OTUD5: variants seen among roughly 807,000 people sequenced by gnomAD.
OTUD5 encodes the protein OTU deubiquitinase 5.
In OTUD5, 2 loss-of-function variants were observed where a neutral mutation model predicts 36.3. That is an observed-to-expected ratio of 0.06 (90% CI 0.02 to 0.17). OTUD5 has a LOEUF of 0.17. Among genes scored for constraint, OTUD5 ranks in the 10% least tolerant of loss-of-function variants. The probability of loss-of-function intolerance (pLI) is 1.00; values close to 1 mark genes in which losing one functional copy is unlikely to be tolerated. For synonymous variants in OTUD5, 234 were observed against 214.9 expected (o/e 1.09, Z -0.78); for missense variants, 233 against 512.3 (o/e 0.45, Z 5.26).
intron 1 of OTUD5, among the ~76,000 whole-genome samples, chrX:48,944,851 C>T (rs1385086369): frequency 9.0e-6 from 1 of 111,072 alleles, no homozygotes; most frequent in Non-Finnish European, 1.9e-5. Context: ...GGAGAAACCC[C>T]GTCTCTAATA....
chrX:48,951,276 C>A (rs1001503356), intron 1 of OTUD5, among the ~76,000 whole-genome samples: 2 of 111,897 alleles, frequency 1.8e-5, no homozygotes, highest in Non-Finnish European at 3.8e-5. Flanking sequence ...GCCAAGACCA[C>A]CCCCTCCAGC....
intron 5 of OTUD5, among the ~76,000 whole-genome samples, chrX:48,928,557 T>C (rs2063700945): frequency 9.0e-6 from 1 of 111,438 alleles, no homozygotes; most frequent in Admixed American, 9.6e-5. Context: ...TGGCTGCAGG[T>C]GGCTCACCCC....
chrX:48,955,067 C>T (rs1410334656), intron 1 of OTUD5, among the ~76,000 whole-genome samples: 1 of 111,668 alleles, frequency 9.0e-6, no homozygotes, highest in Non-Finnish European at 1.9e-5. Flanking sequence ...GGAGCCAGGC[C>T]CCCAGTCCCT....
intron 1 of OTUD5, among the ~76,000 whole-genome samples, chrX:48,945,266 CT>C (rs139382090): frequency 7.9e-4 from 58 of 73,241 alleles, no homozygotes; most frequent in Middle Eastern, 7.7e-3. Context: ...AAAATCAAGT[CT>C]TTTTTTTTTT....
chrX:48,954,941 T>C (rs1366833844), intron 1 of OTUD5, among the ~76,000 whole-genome samples: 2 of 111,789 alleles, frequency 1.8e-5, no homozygotes, highest in Admixed American at 1.9e-4. Context: ...GGGGTTCATA[T>C]GACCCTGAAG....
Position 48,926,773 on chromosome X carries a change from G to C in OTUD5, c.1060-723C>G, listed in dbSNP as rs190363588. ...TAGCTATGTGTGCACCGGGTGGAGG[G>C]AGTATTCAAGCATGTGAGGGGTTGG... On this transcript the variant is annotated intron_variant, in intron 5 of 8. Transcript: ENST00000376488. Among the ~76,000 whole-genome samples, 183 of 111,350 alleles carry C rather than the reference G, an allele frequency of 1.6e-3. 1 individual carries two copies. Among genetic ancestry groups the C allele is most frequent in the Non-Finnish European group, 2.5e-3 (134 of 53,047 alleles).
chrX:48,925,807 T>G, intron 6 of OTUD5, 40 bp downstream of exon 6: 133 of 1,094,143 alleles, frequency 1.2e-4, no homozygotes, highest in Non-Finnish European at 1.5e-4. Context: ...TGAGAAGTAA[T>G]GAGTTTTTGG....
At chrX:48,923,827 A>G in intron 7 of OTUD5, 24 bp downstream of exon 7, 1 of 1,208,545 alleles carries the variant, frequency 8.3e-7, no homozygotes, top group South Asian at 1.8e-5. Context: ...CTCCCAGCAC[A>G]TTCCCTGTGG....
intron 1 of OTUD5, among the ~76,000 whole-genome samples, chrX:48,956,016 G>C (rs1557055127): frequency 9.0e-6 from 1 of 111,296 alleles, no homozygotes; most frequent in Non-Finnish European, 1.9e-5. Context: ...CCAACGCTGT[G>C]AGTCTCATTT....
At chrX:48,956,619 A>G (rs896140526) in intron 1 of OTUD5, among the ~76,000 whole-genome samples, 1 of 111,085 alleles carries the variant, frequency 9.0e-6, no homozygotes, top group Non-Finnish European at 1.9e-5. Context: ...CACATACCTA[A>G]GTCTCTTGGG....
rs1453537695 is a variant in OTUD5 at position 48,957,163 on chromosome X, G to A, written c.408C>T (p.Ala136=). ...CGGAGCAGCAGCCGCCCACGCCTAC[G>A]GCACCACCCACACCCACCACCACGC... ...AAGVVVGVGG[A]VGVGGCCSGP... Residue 136 remains alanine, a synonymous_variant, in exon 1 of 9, where the codon GCC becomes GCT. Coordinates refer to ENST00000376488, the MANE Select transcript of OTUD5 (RefSeq NM_001136157.2). The A allele has an allele frequency of 2.6e-6, 3 of 1,149,888 alleles. No homozygotes were observed. Among genetic ancestry groups the A allele is most frequent in the South Asian group, 1.9e-5 (1 of 51,802 alleles). 94.8% of individuals were successfully genotyped at this position (1,149,888 alleles called of 1,213,427 possible).
intron 1 of OTUD5, among the ~76,000 whole-genome samples, chrX:48,952,647 G>C (rs1474877657): frequency 8.9e-6 from 1 of 111,961 alleles, no homozygotes; most frequent in Non-Finnish European, 1.9e-5. Flanking sequence ...ACTTGCTTCA[G>C]AGCAATGAGT....
In OTUD5 at chrX:48,922,926, A is replaced by G. The variant is rs2063603490; in HGVS notation, c.*248T>C. On this transcript the variant is annotated 3_prime_UTR_variant, in exon 9 of 9. Coordinates refer to ENST00000376488, the MANE Select transcript of OTUD5 (RefSeq NM_001136157.2). The stretch of plus-strand genomic sequence containing the variant: ...CCCGAGTCCCCTGTGGAATGCAGGG[A>G]TGGTTCTGTGCGGGATGGGGTGGGG... 1 of 1,007,907 alleles carries G rather than the reference A, an allele frequency of 9.9e-7. No individual in the cohort carries two copies. The highest frequency in any genetic ancestry group is 2.0e-5 in the African/African-American group (1 of 50,678). The allele number at this position is 1,007,907 out of a possible 1,213,427, so 83.1% of individuals were successfully genotyped here. A position where few individuals can be genotyped will look rare whatever the true frequency, so the allele number is the denominator to read the frequency against.
intron 2 of OTUD5, among the ~76,000 whole-genome samples, chrX:48,942,121 G>GAC (rs374973562): frequency 9.4e-4 from 102 of 108,297 alleles, no homozygotes; most frequent in African/African-American, 2.2e-3. Context: ...GATACATATA[G>GAC]ACACACACAC....
At chrX:48,936,583 A>C (rs1457069311) in intron 2 of OTUD5, among the ~76,000 whole-genome samples, 1 of 110,917 alleles carries the variant, frequency 9.0e-6, no homozygotes, top group Non-Finnish European at 1.9e-5. Context: ...ACTACCCAGG[A>C]CACCTCTATC....
chrX:48,946,837 G>GAGAGAGGGGAAAA (rs1491169169), intron 1 of OTUD5, among the ~76,000 whole-genome samples: 10 of 112,385 alleles, frequency 8.9e-5, no homozygotes, highest in African/African-American at 3.2e-4. Context: ...CCTGGCTTTG[G>GAGAGAGGGGAAAA]AGAGAGGGGA....
intron 1 of OTUD5, among the ~76,000 whole-genome samples, chrX:48,955,347 G>C (rs1557054898): frequency 9.0e-6 from 1 of 111,542 alleles, no homozygotes; most frequent in South Asian, 3.7e-4. Context: ...CAAACCCTTG[G>C]AGGTAGACTC....
intron 5 of OTUD5, 99 bp downstream of exon 5, chrX:48,934,365 G>C: frequency 1.5e-6 from 1 of 667,769 alleles, no homozygotes. Context: ...GGGGAGAGAG[G>C]AGACAGGATA....
In OTUD5 at chrX:48,957,040, A is replaced by C; in HGVS notation, c.531T>G (p.Ser177Arg). The change falls in exon 1 of 9, where the codon AGT (serine) becomes AGG (arginine). Residue 177 changes from serine (S) to arginine (R), a missense_variant. Ser to Arg is a moderately radical substitution (Grantham distance 110). Around this residue, in one of 3 missense-constraint regions of OTUD5, gnomAD observed 155 missense variants for 217.2 expected, o/e 0.71. Coordinates refer to ENST00000376488, the MANE Select transcript of OTUD5 (RefSeq NM_001136157.2). Reference protein sequence around the residue: ...EREEVGAGYNSEDEYEAAAAR... With the variant: ...EREEVGAGYNREDEYEAAAAR... ...CTGCAGCCGCCTCATACTCGTCCTC[A>C]CTGTTGTAGCCTGCGCCGACCTCCT... 8.3e-7 allele frequency: 1 copy of C among 1,198,912 alleles called. No homozygotes were observed. The highest frequency in any genetic ancestry group is 1.1e-6 in the Non-Finnish European group (1 of 890,041).
Sources: allele counts gnomAD v4.1 joint callset (sites outside exome capture counted in the v4.1 genomes callset), GRCh38; gene constraint gnomAD v4.1.1; regional missense constraint gnomAD v4.1.1; transcripts MANE v1.5; gene names NCBI Gene and HGNC (gene_info 2026-07-23, HGNC 2026-07-21).